Variants in ARMH4 observed in about 807,000 individuals in gnomAD.
ARMH4 encodes the protein armadillo like helical domain containing 4, also known as armadillo-like helical domain-containing protein 4.
Under a neutral mutation model 61.9 loss-of-function variants are expected in ARMH4, and 49 were observed. The observed-to-expected ratio is 0.79, with a 90% CI of 0.63 to 1.00. The LOEUF is 1.00. Ranked by LOEUF, ARMH4 falls within the 50% of genes least tolerant of loss-of-function variation. The probability of loss-of-function intolerance (pLI) is 0.00; values close to 1 mark genes in which losing one functional copy is unlikely to be tolerated. For synonymous variants in ARMH4, 368 were observed against 341.5 expected, an observed-to-expected ratio of 1.08 and a Z score of -0.85; for missense variants, 934 against 930.0, an observed-to-expected ratio of 1.00 and a Z score of -0.06.
At chr14:58,086,975 A>G (rs1885405948) in intron 5 of ARMH4, among the ~76,000 whole-genome samples, 1 of 152,178 alleles carries the variant, frequency 6.6e-6, no homozygotes, top group South Asian at 2.1e-4. Flanking sequence ...ACAGAGCAAC[A>G]AAAAGAAACA....
chr14:58,124,549 C>A (rs972871815), intron 4 of ARMH4, among the ~76,000 whole-genome samples: 1 of 152,176 alleles, frequency 6.6e-6, no homozygotes, highest in African/African-American at 2.4e-5. Flanking sequence ...TGTCAGACAA[C>A]CGTTTACTTA....
chr14:58,132,735 G>A (rs756433756), intron 3 of ARMH4, among the ~76,000 whole-genome samples: 3 of 151,768 alleles, frequency 2.0e-5, no homozygotes, highest in Non-Finnish European at 4.4e-5. Flanking sequence ...ACAGGCGCCC[G>A]CCACCACGCC....
chr14:58,072,446 C>T (rs1004360858), intron 5 of ARMH4, among the ~76,000 whole-genome samples: 1 of 152,120 alleles, frequency 6.6e-6, no homozygotes, highest in Non-Finnish European at 1.5e-5. Flanking sequence ...GGGCCGGGCA[C>T]GGTGGCTTAT....
chr14:58,086,559 T>C (rs534098758), intron 5 of ARMH4, among the ~76,000 whole-genome samples: 2 of 152,170 alleles, frequency 1.3e-5, no homozygotes, highest in African/African-American at 4.8e-5. Flanking sequence ...TCTAAAAACC[T>C]TGCCCCACCC....
intron 4 of ARMH4, among the ~76,000 whole-genome samples, chr14:58,098,897 A>C (rs1178492390): frequency 1.3e-5 from 2 of 152,154 alleles, no homozygotes; most frequent in African/African-American, 4.8e-5. Flanking sequence ...TCAAAGCAAG[A>C]GATGAAAAAA....
intron 5 of ARMH4, among the ~76,000 whole-genome samples, chr14:58,028,520 C>A (rs1472042314): frequency 6.6e-6 from 1 of 152,164 alleles, no homozygotes; most frequent in Non-Finnish European, 1.5e-5. Context: ...GTAACTTTTC[C>A]AGACCTCCTT....
chr14:58,030,352 C>T (rs1298210893), intron 5 of ARMH4, among the ~76,000 whole-genome samples: 1 of 152,228 alleles, frequency 6.6e-6, no homozygotes, highest in African/African-American at 2.4e-5. Flanking sequence ...TTTCTCACTT[C>T]TTATTTCTTT....
At chr14:58,131,763 A>G in intron 3 of ARMH4, 42 bp from the exon 4 acceptor site, 1 of 1,557,014 alleles carries the variant, frequency 6.4e-7, no homozygotes, top group Non-Finnish European at 8.8e-7. Context: ...CAAGATAATC[A>G]TTATGGCAAA....
intron 5 of ARMH4, among the ~76,000 whole-genome samples, chr14:58,052,441 C>T (rs533858486): frequency 1.3e-5 from 2 of 151,728 alleles, no homozygotes; most frequent in African/African-American, 2.4e-5. Context: ...ATACTAGATT[C>T]GAACTGCCTC....
rs1057179470 is a variant in ARMH4 at position 58,102,586 on chromosome 14, T to G, written c.1832-5605A>C. On this transcript the variant is annotated intron_variant, in intron 4 of 7. Coordinates refer to ENST00000267485, the MANE Select transcript of ARMH4 (RefSeq NM_001001872.4). ...CAGCACTTTGGGAGGCCGAGGCGGGTGGATCATGAGGTCAGGAGATCGAGA... is the reference window on the plus strand; with the variant it reads ...CAGCACTTTGGGAGGCCGAGGCGGGGGGATCATGAGGTCAGGAGATCGAGA... 9.0e-4 allele frequency among the ~76,000 whole-genome samples: 96 copies of G among 106,430 alleles called. No homozygotes were observed. The South Asian group carries it at 0.025, about 28-fold the overall frequency. The allele number at this position is 106,430 out of a possible 152,430, so 69.8% of individuals were successfully genotyped here.
At chr14:58,106,162 A>T (rs1719544172) in intron 4 of ARMH4, among the ~76,000 whole-genome samples, 2 of 152,350 alleles carry the variant, frequency 1.3e-5, no homozygotes, top group South Asian at 4.1e-4. Flanking sequence ...CACTGAGTCC[A>T]GCATGCACAG....
chr14:58,075,889 G>A (rs1885029764), intron 5 of ARMH4, among the ~76,000 whole-genome samples: 1 of 152,058 alleles, frequency 6.6e-6, no homozygotes, highest in Non-Finnish European at 1.5e-5. Context: ...AATGGAGAAA[G>A]TTTCACTATC....
rs373937509 is a variant in ARMH4 at position 58,117,666 on chromosome 14, C to T, written c.1831+13846G>A. 2.6e-5 allele frequency among the ~76,000 whole-genome samples: 4 copies of T among 152,276 alleles called. No individual in the cohort carries two copies. The East Asian group carries it at 7.7e-4, about 29-fold the overall frequency. ...TTGAATGGAAATAAACTCAACAACA[C>T]CCTATCTTCCTCTTCAAAATAAATA... On this transcript the variant is annotated intron_variant, in intron 4 of 7. Coordinates refer to ENST00000267485, the MANE Select transcript of ARMH4 (RefSeq NM_001001872.4).
rs781675302 is a variant in ARMH4, at chr14:58,133,195, C to G, written c.1516G>C (p.Asp506His). Reference protein sequence around the residue: ...EEKEDPSPVSDVPGVTQLSRR... With the variant: ...EEKEDPSPVSHVPGVTQLSRR... ...GACAGCTGAGTAACACCAGGAACGT[C>G]AGACACAGGAGAGGGGTCCTCCTTT... The change falls in exon 3 of 8, where the codon GAC (aspartate) becomes CAC (histidine). Residue 506 changes from aspartate (D) to histidine (H), a missense_variant. Asp to His is a moderately conservative substitution (Grantham distance 81). Transcript: ENST00000267485. The G allele has an allele frequency of 1.9e-6, 3 of 1,614,158 alleles. No individual in the cohort carries two copies. Among genetic ancestry groups the G allele is most frequent in the Non-Finnish European group, 2.5e-6 (3 of 1,180,032 alleles).
chr14:58,027,450 G>A (rs1389955967), intron 5 of ARMH4, among the ~76,000 whole-genome samples: 1 of 152,158 alleles, frequency 6.6e-6, no homozygotes, highest in East Asian at 1.9e-4. Context: ...TGTTCAGGGA[G>A]GACACCTCCC....
intron 4 of ARMH4, among the ~76,000 whole-genome samples, chr14:58,111,857 T>G (rs1886365125): frequency 2.0e-5 from 3 of 152,086 alleles, no homozygotes; most frequent in Admixed American, 2.0e-4. Flanking sequence ...TATCTCCAGC[T>G]AATTTATTTC....
intron 1 of ARMH4, among the ~76,000 whole-genome samples, chr14:58,147,228 C>T (rs979280409): frequency 2.0e-5 from 3 of 152,098 alleles, no homozygotes. Flanking sequence ...CTTCTGATCA[C>T]CTCATTGGAT....
At chr14:58,131,412 T>C (rs1887090128) in intron 4 of ARMH4, 100 bp downstream of exon 4, 1 of 955,444 alleles carries the variant, frequency 1.0e-6, no homozygotes, top group African/African-American at 1.6e-5. Context: ...TGATCTATAC[T>C]GCAGATTGAA....
intron 5 of ARMH4, among the ~76,000 whole-genome samples, chr14:58,020,395 G>A (rs1882780553): frequency 6.6e-6 from 1 of 152,124 alleles, no homozygotes; most frequent in South Asian, 2.1e-4. Flanking sequence ...GGACAAATGT[G>A]CTTCTCTTTC....
Sources: allele counts gnomAD v4.1 joint callset (sites outside exome capture counted in the v4.1 genomes callset), GRCh38; gene constraint gnomAD v4.1.1; transcripts MANE v1.5; gene names NCBI Gene and HGNC (gene_info 2026-07-23, HGNC 2026-07-21).